Variants in TNFSF8 observed in about 807,000 individuals in gnomAD.
TNFSF8 encodes TNF superfamily member 8.
TNFSF8 carries 4 observed loss-of-function variants against 22.0 expected under a neutral mutation model. That is an observed-to-expected ratio of 0.18 (90% confidence interval 0.09 to 0.42). The LOEUF (loss-of-function observed/expected upper bound fraction) is 0.42, where lower values mean the gene tolerates loss of function less well. Ranked by LOEUF, TNFSF8 falls within the 10% of genes least tolerant of loss-of-function variation. The probability of loss-of-function intolerance (pLI) is 1.00; values close to 1 mark genes in which losing one functional copy is unlikely to be tolerated. For missense variants in TNFSF8, 233 were observed against 281.8 expected (o/e 0.83, Z 1.24); for synonymous variants, 106 against 112.5 (o/e 0.94, Z 0.37).
chr9:114,928,410 G>T lies in TNFSF8; in HGVS notation c.195+1699C>A, dbSNP rs142729797. Reference sequence around the variant, plus strand: ...CACATTTACAAAAATGAGGCAGAAAGATCTGCTCTGGTTCTTTTATAGAAG... The same window carrying T: ...CACATTTACAAAAATGAGGCAGAAATATCTGCTCTGGTTCTTTTATAGAAG... On this transcript the variant is annotated intron_variant, in intron 1 of 3. Coordinates refer to ENST00000223795, the MANE Select transcript of TNFSF8 (RefSeq NM_001244.4). Among the ~76,000 whole-genome samples, 484 of 152,298 alleles carry T rather than the reference G, an allele frequency of 3.2e-3. 3 individuals are homozygous for T. The highest frequency in any genetic ancestry group is 0.011 in the African/African-American group (445 of 41,562).
intron 4 of TNFSF8, among the ~76,000 whole-genome samples, chr9:114,895,305 G>C (rs978289362): frequency 6.6e-6 from 1 of 152,212 alleles, no homozygotes; most frequent in African/African-American, 2.4e-5. Flanking sequence ...TTCTAAGTGA[G>C]AAAAGTGTTC....
chr9:114,925,931 AGTCTATCTCATT>A (rs1438374772), intron 1 of TNFSF8, among the ~76,000 whole-genome samples: 2 of 152,050 alleles, frequency 1.3e-5, no homozygotes, highest in Admixed American at 6.6e-5. Context: ...TTAACCTAGG[AGTCTATCTCATT>A]GTCTATCTCA....
chr9:114,926,592 A>G (rs1828063133), intron 1 of TNFSF8, among the ~76,000 whole-genome samples: 1 of 151,950 alleles, frequency 6.6e-6, no homozygotes, highest in Non-Finnish European at 1.5e-5. Context: ...GTACTATGCG[A>G]CTCTTCAAAA....
intron 1 of TNFSF8, among the ~76,000 whole-genome samples, chr9:114,923,510 CTTTCTTTCTTTCTT>C (rs1475533978): frequency 2.4e-5 from 2 of 85,010 alleles, no homozygotes; most frequent in Non-Finnish European, 3.9e-5. Context: ...TTCTTTCTTT[CTTTCTTTCTTTCTT>C]TTTTTTTTTT....
At chr9:114,908,069 C>T (rs1827806177) in intron 2 of TNFSF8, among the ~76,000 whole-genome samples, 1 of 152,186 alleles carries the variant, frequency 6.6e-6, no homozygotes, top group African/African-American at 2.4e-5. Flanking sequence ...TGGACTGCCT[C>T]CTTCACCAGG....
At position 114,903,099 on chromosome 9, in the gene TNFSF8, A is replaced by C. The variant is rs1126711; in HGVS notation, c.*832T>G. On this transcript the variant is annotated 3_prime_UTR_variant, in exon 4 of 4. Transcript: ENST00000223795. ...GACCACACCCTATTTCTTTACCTAC[A>C]TTGTTAACTGTCTTGCTGTCTCTGT... is the stretch of plus-strand genomic sequence containing the variant. 6.6e-6 allele frequency: 1 copy of C among 152,038 alleles called. No individual in the cohort carries two copies. The highest frequency in any genetic ancestry group is 2.4e-5 in the African/African-American group (1 of 41,398). The allele number at this position is 152,038 out of a possible 1,614,324, so 9.4% of individuals were successfully genotyped here.
intron 2 of TNFSF8, among the ~76,000 whole-genome samples, chr9:114,908,574 C>CG (rs1827813048): frequency 6.6e-6 from 1 of 152,098 alleles, no homozygotes; most frequent in Admixed American, 6.5e-5. Context: ...GCCTCTCACA[C>CG]GTTCTGGTTC....
rs895062249 is a variant in TNFSF8 at position 114,901,284 on chromosome 9, C to T, written c.*2647G>A. 3.0e-6 allele frequency: 3 copies of T among 985,264 alleles called. No homozygotes were observed. The highest frequency in any genetic ancestry group is 3.6e-6 in the Non-Finnish European group (3 of 829,916). The allele number at this position is 985,264 out of a possible 1,614,324, so 61.0% of individuals were successfully genotyped here. On this transcript the variant is annotated 3_prime_UTR_variant, in exon 4 of 4. Transcript: ENST00000223795. ...AGTTTTAAACTTCCTGGGTTGCCTA[C>T]TCCCTACATATCTATCAGTTGAGTT... is the stretch of plus-strand genomic sequence containing the variant.
intron 1 of TNFSF8, among the ~76,000 whole-genome samples, chr9:114,927,015 ATATT>A (rs1289676436): frequency 1.5e-5 from 2 of 134,076 alleles, no homozygotes; most frequent in Non-Finnish European, 3.1e-5. Context: ...ATTTTATAAT[ATATT>A]TATAACATAA....
chr9:114,929,962 GTATATA>G (rs369533969), intron 1 of TNFSF8, 141 bp downstream of exon 1: 7 of 268,888 alleles, frequency 2.6e-5, no homozygotes, highest in African/African-American at 1.4e-4. Flanking sequence ...ATATACTATA[GTATATA>G]TATATATATA....
Position 114,918,156 on chromosome 9 carries a change from A to G in TNFSF8, c.196-18T>C. On this transcript the variant is annotated intron_variant, in intron 1 of 3. Transcript: ENST00000223795. ...ATGGAGTCCTGGAAGAAAAGAAAGAAAAAAGCAGCATGAGGTGTGACATTC... is the reference window on the plus strand; with the variant it reads ...ATGGAGTCCTGGAAGAAAAGAAAGAGAAAAGCAGCATGAGGTGTGACATTC... 16 of 1,602,290 alleles carry G rather than the reference A, an allele frequency of 1.0e-5. No homozygotes were observed. Among genetic ancestry groups the G allele is most frequent in the Non-Finnish European group, 1.4e-5 (16 of 1,174,946 alleles).
chr9:114,930,064 G>T lies in TNFSF8; in HGVS notation c.195+45C>A, dbSNP rs3181357. ...TTTGTTCCCAGGGCTCTTTCTCTCG[G>T]GAAAACAACAAGAAAAGGAAAGGGA... On this transcript the variant is annotated intron_variant, in intron 1 of 3. Transcript: ENST00000223795. 26 of 1,395,902 alleles carry T rather than the reference G, an allele frequency of 1.9e-5. No individual in the cohort carries two copies. In the Middle Eastern group the frequency reaches 5.7e-4, roughly 31 times the overall value. The allele number at this position is 1,395,902 out of a possible 1,614,324, so 86.5% of individuals were successfully genotyped here. A position where few individuals can be genotyped will look rare whatever the true frequency, so the allele number is the denominator to read the frequency against.
At chr9:114,929,357 C>CTTT (rs370592705) in intron 1 of TNFSF8, among the ~76,000 whole-genome samples, 1 of 133,026 alleles carries the variant, frequency 7.5e-6, no homozygotes. Flanking sequence ...TGTGCTGTTT[C>CTTT]TTTTTTTTTT....
chr9:114,919,163 A>G (rs1318152546), intron 1 of TNFSF8, among the ~76,000 whole-genome samples: 2 of 152,108 alleles, frequency 1.3e-5, no homozygotes, highest in Non-Finnish European at 2.9e-5. Flanking sequence ...CACCATACAT[A>G]ATTAAATTGG....
intron 1 of TNFSF8, among the ~76,000 whole-genome samples, chr9:114,921,855 C>T (rs2131348789): frequency 6.6e-6 from 1 of 152,302 alleles, no homozygotes; most frequent in East Asian, 1.9e-4. Context: ...ACGAGGTATA[C>T]TTCCTTAAGT....
chr9:114,916,503 A>G (rs1406969581), intron 2 of TNFSF8, among the ~76,000 whole-genome samples: 1 of 152,128 alleles, frequency 6.6e-6, no homozygotes, highest in East Asian at 1.9e-4. Context: ...AAAAAATGAA[A>G]AGTTTCCATC....
At chr9:114,912,534 C>T (rs7028578) in intron 2 of TNFSF8, among the ~76,000 whole-genome samples, 54,885 of 152,000 alleles carry the variant, frequency 0.36, 10,438 homozygotes, top group Admixed American at 0.45. Context: ...GGACTACAGG[C>T]GTGTGCCACC....
At chr9:114,906,848 T>C (rs1055778361) in intron 2 of TNFSF8, among the ~76,000 whole-genome samples, 1 of 152,220 alleles carries the variant, frequency 6.6e-6, no homozygotes, top group African/African-American at 2.4e-5. Flanking sequence ...ATTCAACTTA[T>C]TCAGAGCTAA....
At chr9:114,907,650 TC>T (rs1409606786) in intron 2 of TNFSF8, among the ~76,000 whole-genome samples, 1 of 152,004 alleles carries the variant, frequency 6.6e-6, no homozygotes, top group East Asian at 1.9e-4. Flanking sequence ...CCTTCCCTCC[TC>T]CCCTTTCCCT....
Sources: gnomAD v4.1 joint callset for allele counts (sites outside exome capture counted in the v4.1 genomes callset) on GRCh38, gnomAD v4.1.1 for gene constraint, MANE v1.5 for transcripts, NCBI Gene and HGNC (gene_info 2026-07-23, HGNC 2026-07-21) for gene names.